Variants in GSTCD observed in about 807,000 individuals in gnomAD.
The protein encoded by GSTCD is glutathione S-transferase C-terminal domain containing, also known as glutathione S-transferase C-terminal domain-containing protein.
In GSTCD, 44 loss-of-function variants were observed where a neutral mutation model predicts 68.3. The ratio of observed to expected loss-of-function variants is 0.64; its 90% confidence interval spans 0.51 to 0.83. The LOEUF (loss-of-function observed/expected upper bound fraction) is 0.83. Ranked by LOEUF, GSTCD falls within the 40% of genes least tolerant of loss-of-function variation. The probability of loss-of-function intolerance (pLI) is 0.00; values close to 1 mark genes in which losing one functional copy is unlikely to be tolerated. For missense variants in GSTCD, 739 were observed against 735.9 expected (o/e 1.00, Z -0.05); for synonymous variants, 273 against 255.2 (o/e 1.07, Z -0.67).
chr4:105,807,734 C>T (rs1722576983), intron 5 of GSTCD, among the ~76,000 whole-genome samples: 1 of 152,000 alleles, frequency 6.6e-6, no homozygotes, highest in Admixed American at 6.6e-5. Context: ...ATCAGTTTGA[C>T]ACATTGTTTG....
chr4:105,801,646 ATTC>A (rs1328215371), intron 5 of GSTCD, among the ~76,000 whole-genome samples: 1 of 152,022 alleles, frequency 6.6e-6, no homozygotes, highest in East Asian at 1.9e-4. Flanking sequence ...TGTTTGATTC[ATTC>A]TTCTGCTGTA....
chr4:105,760,890 G>T (rs1211665093), intron 5 of GSTCD: 1 of 269,034 alleles, frequency 3.7e-6, no homozygotes, highest in Non-Finnish European at 7.0e-6. Context: ...AGTGGGAGGT[G>T]TTATGGGGCA....
intron 5 of GSTCD, among the ~76,000 whole-genome samples, chr4:105,782,057 A>G (rs1372070284): frequency 1.3e-5 from 2 of 152,312 alleles, no homozygotes; most frequent in African/African-American, 2.4e-5. Context: ...TCTTGCGCAT[A>G]CCTTGTACAA....
intron 5 of GSTCD, among the ~76,000 whole-genome samples, chr4:105,803,108 A>C (rs1736170216): frequency 6.6e-6 from 1 of 152,192 alleles, no homozygotes; most frequent in African/African-American, 2.4e-5. Flanking sequence ...TGACAAGGTC[A>C]GACAGCTAAT....
intron 5 of GSTCD, chr4:105,746,476 A>G (rs904184446): frequency 1.3e-5 from 2 of 152,190 alleles, no homozygotes; most frequent in African/African-American, 4.8e-5. Context: ...AGGAGATATT[A>G]TAGTGTCTTC....
At chr4:105,768,161 G>A (rs1734695343) in intron 5 of GSTCD, among the ~76,000 whole-genome samples, 1 of 151,582 alleles carries the variant, frequency 6.6e-6, no homozygotes, top group Non-Finnish European at 1.5e-5. Context: ...CAGAGTAGCT[G>A]GGACTACAGG....
At chr4:105,778,720 A>G (rs1298142718) in intron 5 of GSTCD, among the ~76,000 whole-genome samples, 1 of 152,160 alleles carries the variant, frequency 6.6e-6, no homozygotes, top group Non-Finnish European at 1.5e-5. Context: ...GAATTATAAT[A>G]TGTTCCATAA....
chr4:105,748,013 G>C (rs973998543), intron 5 of GSTCD, among the ~76,000 whole-genome samples: 1 of 152,092 alleles, frequency 6.6e-6, no homozygotes, highest in Admixed American at 6.6e-5. Flanking sequence ...CCAGCACTTT[G>C]GGAAGCTGAG....
chr4:105,740,088 C>A (rs1733584643), intron 5 of GSTCD, among the ~76,000 whole-genome samples: 1 of 151,944 alleles, frequency 6.6e-6, no homozygotes, highest in Non-Finnish European at 1.5e-5. Context: ...ATTGTGGGTA[C>A]TCACCTCCAA....
intron 5 of GSTCD, chr4:105,761,697 A>G (rs1578447010): frequency 6.6e-6 from 1 of 152,042 alleles, no homozygotes; most frequent in Non-Finnish European, 1.5e-5. Context: ...ACTGGCTTGT[A>G]TTGCTATTTA....
At chr4:105,762,980 T>C (rs1451366975) in intron 5 of GSTCD, among the ~76,000 whole-genome samples, 1 of 152,234 alleles carries the variant, frequency 6.6e-6, no homozygotes, top group Non-Finnish European at 1.5e-5. Context: ...TAACTGTACC[T>C]ATTGAATACC....
At chr4:105,719,555 TA>T in intron 3 of GSTCD, 28 bp downstream of exon 3, 2 of 1,501,012 alleles carry the variant, frequency 1.3e-6, no homozygotes, top group Admixed American at 1.7e-5. Flanking sequence ...CTGTACACAT[TA>T]CTATGAGTTT....
In GSTCD at chr4:105,834,467, T is replaced by C. The variant is rs1724029255; in HGVS notation, c.1537T>C (p.Leu513=). ...GCCTGGTTTTATTTTGTAGGTAGCA[T>C]TGCATGCTTGTGGAGTGGCAACAGA... ...FTGMFNIGVA[L]HACGVATDMV... is the part of the protein sequence containing the mutation. The change falls in exon 9 of 12, where the codon TTG becomes CTG. Residue 513 remains leucine (L), a synonymous_variant. Transcript: ENST00000515279. The C allele has an allele frequency of 6.2e-7, 1 of 1,613,722 alleles. No homozygotes were observed. The highest frequency in any genetic ancestry group is 8.5e-7 in the Non-Finnish European group (1 of 1,179,820).
intron 5 of GSTCD, among the ~76,000 whole-genome samples, chr4:105,808,069 G>A (rs2149265270): frequency 6.6e-6 from 1 of 152,144 alleles, no homozygotes; most frequent in South Asian, 2.1e-4. Context: ...GGTTACTAAT[G>A]ACTTCTGTTT....
At chr4:105,805,837 CT>C (rs764748293) in intron 5 of GSTCD, among the ~76,000 whole-genome samples, 3 of 152,008 alleles carry the variant, frequency 2.0e-5, no homozygotes, top group South Asian at 2.1e-4. Context: ...TTCCCTCCCC[CT>C]ATGTAAGCCA....
chr4:105,727,165 A>G (rs1041457295), intron 4 of GSTCD, among the ~76,000 whole-genome samples: 1 of 150,704 alleles, frequency 6.6e-6, no homozygotes, highest in African/African-American at 2.5e-5. Flanking sequence ...ATTTTAACAT[A>G]ATCTTTTTCT....
intron 5 of GSTCD, among the ~76,000 whole-genome samples, chr4:105,762,670 T>G (rs1734459085): frequency 6.6e-6 from 1 of 152,212 alleles, no homozygotes; most frequent in South Asian, 2.1e-4. Flanking sequence ...ACTTTTTGCT[T>G]CTTTTATTTA....
chr4:105,732,971 T>C (rs1293412013), intron 5 of GSTCD, among the ~76,000 whole-genome samples: 1 of 152,216 alleles, frequency 6.6e-6, no homozygotes, highest in Non-Finnish European at 1.5e-5. Flanking sequence ...CAGGAGCAGG[T>C]TGTTCAGTTT....
At chr4:105,772,800 A>T (rs1734906088) in intron 5 of GSTCD, among the ~76,000 whole-genome samples, 1 of 152,092 alleles carries the variant, frequency 6.6e-6, no homozygotes, top group South Asian at 2.1e-4. Flanking sequence ...TTCATCATGG[A>T]TATTAGCCTG....
Sources: allele counts gnomAD v4.1 joint callset (sites outside exome capture counted in the v4.1 genomes callset), GRCh38; gene constraint gnomAD v4.1.1; transcripts MANE v1.5; gene names NCBI Gene and HGNC (gene_info 2026-07-23, HGNC 2026-07-21).